The following RFX2 variants were observed in gnomAD, a reference collection of about 807,000 sequenced individuals.
The protein encoded by RFX2 is DNA-binding protein RFX2.
Under a neutral mutation model 87.8 loss-of-function variants are expected in RFX2, and 20 were observed. The ratio of observed to expected loss-of-function variants is 0.23; its 90% CI spans 0.16 to 0.33. The LOEUF (loss-of-function observed/expected upper bound fraction) is 0.33, where lower values mean the gene tolerates loss of function less well. Among genes scored for constraint, RFX2 ranks in the 10% least tolerant of loss-of-function variants. The pLI is 1.00. For synonymous variants in RFX2, 397 were observed against 431.3 expected (o/e 0.92, Z 0.98); for missense variants, 767 against 1,012.3 (o/e 0.76, Z 3.29).
At chr19:6,070,745 A>G (rs2087595709) in intron 1 of RFX2, among the ~76,000 whole-genome samples, 2 of 152,158 alleles carry the variant, frequency 1.3e-5, no homozygotes, top group Non-Finnish European at 2.9e-5. Context: ...TCTGTCACCC[A>G]GGCTGGAGTA....
At position 5,998,869 on chromosome 19, in the gene RFX2, T is replaced by A. The variant is rs2086454157; in HGVS notation, c.1860-1656A>T. ...AGCTTGGGGATGACCAGCCAAGGCC[T>A]CAGTCCACATGCTACCATTTTCTAG... is the stretch of plus-strand genomic sequence containing the variant. On this transcript the variant is annotated intron_variant, in intron 15 of 17. Coordinates refer to ENST00000303657, the MANE Select transcript of RFX2 (RefSeq NM_000635.4). This position sits in a 1 kb window ranked among gnomAD's most constrained non-coding sequence, Gnocchi z 4.2. 6.6e-6 allele frequency among the ~76,000 whole-genome samples: 1 copy of A among 152,356 alleles called. No homozygotes were observed. Among genetic ancestry groups the A allele is most frequent in the Non-Finnish European group, 1.5e-5 (1 of 68,036 alleles).
intron 1 of RFX2, among the ~76,000 whole-genome samples, chr19:6,071,547 CTT>C (rs1426863362): frequency 6.6e-6 from 1 of 152,190 alleles, no homozygotes; most frequent in African/African-American, 2.4e-5. Context: ...TCCGTCATCT[CTT>C]TGCTTGTCTC....
intron 9 of RFX2, among the ~76,000 whole-genome samples, chr19:6,009,607 A>C (rs908843352): frequency 2.0e-5 from 3 of 152,226 alleles, no homozygotes; most frequent in South Asian, 4.1e-4. Context: ...TTAAAGGCAG[A>C]GTCTCGCTCT....
Position 6,001,234 on chromosome 19 carries a change from A to C in RFX2, c.1859+581T>G, listed in dbSNP as rs2086486009. On this transcript the variant is annotated intron_variant, in intron 15 of 17. Coordinates refer to ENST00000303657, the MANE Select transcript of RFX2 (RefSeq NM_000635.4). The surrounding 1 kb of genome is among the most constrained non-coding windows in gnomAD (Gnocchi z 5.6). ...CTTGGTGTTTCGATATTTCACCAGG[A>C]GCCTCCTTGTGCCCTTCAGTTCTGA... Among the ~76,000 whole-genome samples the C allele has an allele frequency of 6.6e-6, 1 of 152,112 alleles. No individual in the cohort carries two copies. The highest frequency in any genetic ancestry group is 1.5e-5 in the Non-Finnish European group (1 of 68,022).
intron 3 of RFX2, among the ~76,000 whole-genome samples, chr19:6,042,730 G>A (rs1253862897): frequency 2.6e-5 from 4 of 152,180 alleles, no homozygotes; most frequent in Admixed American, 6.5e-5. Flanking sequence ...GGCAATGGGG[G>A]GACCCCAGCA....
intron 5 of RFX2, among the ~76,000 whole-genome samples, chr19:6,037,434 C>T (rs1568518397): frequency 6.6e-6 from 1 of 151,982 alleles, no homozygotes; most frequent in Non-Finnish European, 1.5e-5. Flanking sequence ...ATGCCATTTA[C>T]AATAGCTCTC....
rs1380174605 is a variant in RFX2 at position 6,064,965 on chromosome 19, T to TA, written c.-8-17462dup. Among the ~76,000 whole-genome samples the TA allele has an allele frequency of 7.9e-5, 12 of 152,304 alleles. No homozygotes were observed. The East Asian group carries it at 2.3e-3, about 29-fold the overall frequency. ...CTTTCATCAAACAGATGAAGAAACT[T>TA]ACCTAAAGATGTTAAGTGGTTTGCC... On this transcript the variant is annotated intron_variant, in intron 1 of 17. Transcript: ENST00000303657. The surrounding 1 kb of genome is among the most constrained non-coding windows in gnomAD (Gnocchi z 4.8).
At chr19:5,995,026 G>A in intron 17 of RFX2, 76 bp from the exon 18 acceptor site, 2 of 1,171,192 alleles carry the variant, frequency 1.7e-6, no homozygotes, top group Non-Finnish European at 2.5e-6. Context: ...CACGTTCCGA[G>A]AACTGCTCCG....
At chr19:6,036,912 G>A (rs560290100) in intron 5 of RFX2, among the ~76,000 whole-genome samples, 16 of 152,206 alleles carry the variant, frequency 1.1e-4, no homozygotes, top group African/African-American at 3.9e-4. Context: ...AAAAAGAAAT[G>A]AAATTTCTTT....
chr19:6,000,133 C>T (rs1344791746), intron 15 of RFX2, among the ~76,000 whole-genome samples: 2 of 151,610 alleles, frequency 1.3e-5, no homozygotes, highest in African/African-American at 4.9e-5. Context: ...TTCAGGTGCC[C>T]ACCACCACGC....
At chr19:6,060,724 C>A (rs536188983) in intron 1 of RFX2, among the ~76,000 whole-genome samples, 12 of 152,186 alleles carry the variant, frequency 7.9e-5, no homozygotes, top group Non-Finnish European at 1.5e-4. Context: ...AAGCTCTGTC[C>A]TCCCTCGTGT....
chr19:6,052,161 C>T (rs61358944), intron 1 of RFX2, among the ~76,000 whole-genome samples: 4,127 of 152,152 alleles, frequency 0.027, 208 homozygotes, highest in African/African-American at 0.094. Flanking sequence ...CAGGTGTGAG[C>T]GCCACACTCA....
chr19:6,059,949 A>T (rs1240254507), intron 1 of RFX2, among the ~76,000 whole-genome samples: 1 of 150,350 alleles, frequency 6.7e-6, no homozygotes, highest in Non-Finnish European at 1.5e-5. Context: ...CGATTCTTGT[A>T]GTAAAAAGTG....
chr19:6,064,364 A>T lies in RFX2; in HGVS notation c.-8-16860T>A, dbSNP rs1243157865. ...CTCACGTTTCTCTCCCTTTCTGACC[A>T]TGAGCAGGGCTGCAGTGCAGCTGCT... On this transcript the variant is annotated intron_variant, in intron 1 of 17. Coordinates refer to ENST00000303657, the MANE Select transcript of RFX2 (RefSeq NM_000635.4). This position sits in a 1 kb window ranked among gnomAD's most constrained non-coding sequence, Gnocchi z 4.8. Among the ~76,000 whole-genome samples, 2 of 152,166 alleles carry T rather than the reference A, an allele frequency of 1.3e-5. No homozygotes were observed. The highest frequency in any genetic ancestry group is 6.5e-5 in the Admixed American group (1 of 15,284).
chr19:6,009,383 C>G (rs544499207), intron 9 of RFX2, among the ~76,000 whole-genome samples: 2 of 152,076 alleles, frequency 1.3e-5, no homozygotes, highest in African/African-American at 4.8e-5. Flanking sequence ...AGGGCCTTCC[C>G]GGGGCAGAGA....
chr19:6,091,988 G>A (rs2087942785), intron 1 of RFX2, among the ~76,000 whole-genome samples: 1 of 152,174 alleles, frequency 6.6e-6, no homozygotes, highest in Admixed American at 6.5e-5. Context: ...AAAGGAGCAG[G>A]GAGTTTCTAG....
chr19:6,031,583 C>T (rs1463744664), intron 5 of RFX2, among the ~76,000 whole-genome samples: 1 of 151,710 alleles, frequency 6.6e-6, no homozygotes, highest in African/African-American at 2.4e-5. Flanking sequence ...GTGCCCGCCA[C>T]CATGCTCAGC....
Position 6,007,572 on chromosome 19 carries a change from G to A in RFX2, c.1247+118C>T. 1.5e-6 allele frequency: 1 copy of A among 648,692 alleles called. No individual in the cohort carries two copies. The highest frequency in any genetic ancestry group is 2.7e-5 in the Admixed American group (1 of 36,932). 40.2% of individuals were successfully genotyped at this position (648,692 alleles called of 1,614,324 possible). A position where few individuals can be genotyped will look rare whatever the true frequency, so the allele number is the denominator to read the frequency against. Reference sequence around the variant, plus strand: ...TCTAAAAATTACAGGGATGGAGGCAGAGGGGTCTGAACCCTGATTCTTGGA... The same window carrying A: ...TCTAAAAATTACAGGGATGGAGGCAAAGGGGTCTGAACCCTGATTCTTGGA... On this transcript the variant is annotated intron_variant, in intron 11 of 17. Transcript: ENST00000303657. This position sits in a 1 kb window ranked among gnomAD's most constrained non-coding sequence, Gnocchi z 8.2.
chr19:6,110,171 C>T lies in RFX2; in HGVS notation c.-9+222G>A, dbSNP rs928815852. 6.6e-6 allele frequency among the ~76,000 whole-genome samples: 1 copy of T among 152,136 alleles called. No homozygotes were observed. ...AGTGAGGCGACGGCACCGCACCTCCCCCGCGTTCAGTCAATAAGGAAAGTG... is the reference window on the plus strand; with the variant it reads ...AGTGAGGCGACGGCACCGCACCTCCTCCGCGTTCAGTCAATAAGGAAAGTG... On this transcript the variant is annotated intron_variant, in intron 1 of 17. Coordinates refer to ENST00000303657, the MANE Select transcript of RFX2 (RefSeq NM_000635.4). This position sits in a 1 kb window ranked among gnomAD's most constrained non-coding sequence, Gnocchi z 4.3.
Sources: gnomAD v4.1 joint callset for allele counts (sites outside exome capture counted in the v4.1 genomes callset) on GRCh38, gnomAD v4.1.1 for gene constraint, Gnocchi (gnomAD v3.1) non-coding constraint, MANE v1.5 for transcripts, NCBI Gene and HGNC (gene_info 2026-07-23, HGNC 2026-07-21) for gene names.